The following MNAT1 variants were observed in gnomAD, a reference collection of about 807,000 sequenced individuals.
The protein encoded by MNAT1 is CDK-activating kinase assembly factor MAT1.
Under a neutral mutation model 42.0 loss-of-function variants are expected in MNAT1, and 43 were observed. The observed-to-expected ratio is 1.02, with a 90% CI of 0.80 to 1.32. The LOEUF (loss-of-function observed/expected upper bound fraction) is 1.32. MNAT1 is among the 40% of genes most tolerant of loss of function. The probability of loss-of-function intolerance (pLI) is 0.00; values close to 1 mark genes in which losing one functional copy is unlikely to be tolerated. For missense variants in MNAT1, 306 were observed against 350.4 expected, an observed-to-expected ratio of 0.87 and a Z score of 1.01; for synonymous variants, 118 against 120.0, an observed-to-expected ratio of 0.98 and a Z score of 0.11.
intron 1 of MNAT1, among the ~76,000 whole-genome samples, chr14:60,765,647 A>G (rs1213677244): frequency 6.6e-6 from 1 of 152,350 alleles, no homozygotes; most frequent in East Asian, 1.9e-4. Flanking sequence ...TTAAAAAACA[A>G]TAGAGCTTTC....
chr14:60,818,904 T>C, intron 6 of MNAT1, 57 bp downstream of exon 6: 1 of 1,568,456 alleles, frequency 6.4e-7, no homozygotes, highest in Non-Finnish European at 8.7e-7. Context: ...TTATGCTTTA[T>C]AATTTTACAC....
At chr14:60,852,039 G>A (rs1054592193) in intron 6 of MNAT1, among the ~76,000 whole-genome samples, 2 of 151,990 alleles carry the variant, frequency 1.3e-5, no homozygotes, top group Non-Finnish European at 2.9e-5. Flanking sequence ...TATAGTAGAA[G>A]GATTTATAAT....
chr14:60,947,886 A>G (rs914740550), intron 7 of MNAT1, among the ~76,000 whole-genome samples: 4 of 151,992 alleles, frequency 2.6e-5, no homozygotes, highest in African/African-American at 9.7e-5. Context: ...ACCTCAGCAA[A>G]TCTTCCAGGC....
chr14:60,747,099 C>T (rs911925251), intron 1 of MNAT1, among the ~76,000 whole-genome samples: 8 of 149,594 alleles, frequency 5.3e-5, no homozygotes, highest in African/African-American at 1.7e-4. Flanking sequence ...CATTCTTCTG[C>T]CTCAGCCTCC....
At chr14:60,908,903 C>A (rs1430129671) in intron 7 of MNAT1, among the ~76,000 whole-genome samples, 1 of 152,230 alleles carries the variant, frequency 6.6e-6, no homozygotes, top group East Asian at 1.9e-4. Flanking sequence ...GCCATACCGA[C>A]TTCCACAATG....
intron 6 of MNAT1, among the ~76,000 whole-genome samples, chr14:60,840,587 T>C (rs1455390568): frequency 1.3e-5 from 2 of 152,332 alleles, no homozygotes; most frequent in South Asian, 2.1e-4. Flanking sequence ...CCAGTCCTTA[T>C]ACTCCATCAT....
intron 1 of MNAT1, among the ~76,000 whole-genome samples, chr14:60,735,589 A>G (rs1896283017): frequency 6.6e-6 from 1 of 152,242 alleles, no homozygotes; most frequent in African/African-American, 2.4e-5. Flanking sequence ...CAACAGTCCC[A>G]TGAAGTAGAT....
chr14:60,802,588 A>T (rs945193819), intron 3 of MNAT1, among the ~76,000 whole-genome samples: 3 of 152,216 alleles, frequency 2.0e-5, no homozygotes, highest in African/African-American at 7.2e-5. Context: ...AATTTGGATG[A>T]GAAATAATGA....
rs1168134337 is a variant in MNAT1, at chr14:60,808,343, A to G, written c.335A>G (p.Asn112Ser). Reference sequence around the variant, plus strand: ...AATGCAGTTTTCAACTTGACCAACAATGTGGATTTGGACAACACCAAAAAG... The same window carrying G: ...AATGCAGTTTTCAACTTGACCAACAGTGTGGATTTGGACAACACCAAAAAG... ...VEEIVFNLTNNVDLDNTKKKM... is the reference protein window; with the variant it reads ...VEEIVFNLTNSVDLDNTKKKM... The change falls in exon 4 of 8, where the codon AAT (asparagine) becomes AGT (serine). Residue 112 changes from asparagine to serine, a missense_variant. Coordinates refer to ENST00000261245, the MANE Select transcript of MNAT1 (RefSeq NM_002431.4). 1.3e-6 allele frequency: 2 copies of G among 1,575,708 alleles called. No individual in the cohort carries two copies. The highest frequency in any genetic ancestry group is 1.2e-5 in the South Asian group (1 of 83,316).
intron 1 of MNAT1, among the ~76,000 whole-genome samples, chr14:60,783,768 C>G (rs2031545393): frequency 6.6e-6 from 1 of 152,200 alleles, no homozygotes; most frequent in African/African-American, 2.4e-5. Context: ...TCCCAAAGTG[C>G]TGGGATTACA....
At chr14:60,821,542 G>A (rs2032890386) in intron 6 of MNAT1, among the ~76,000 whole-genome samples, 1 of 152,084 alleles carries the variant, frequency 6.6e-6, no homozygotes, top group Admixed American at 6.5e-5. Context: ...TGACTTTATG[G>A]TGTTTACTCT....
chr14:60,960,175 GTTA>G (rs1328537350), intron 7 of MNAT1, among the ~76,000 whole-genome samples: 2 of 152,056 alleles, frequency 1.3e-5, no homozygotes, highest in East Asian at 3.9e-4. Flanking sequence ...CCTTGTCTCT[GTTA>G]TTATTGTTTT....
intron 1 of MNAT1, among the ~76,000 whole-genome samples, chr14:60,760,584 A>G (rs1276603989): frequency 1.3e-5 from 2 of 152,230 alleles, no homozygotes; most frequent in East Asian, 1.9e-4. Context: ...TAAAGTTTTC[A>G]TTTAACATTA....
At chr14:60,787,707 T>A (rs550682851) in intron 1 of MNAT1, among the ~76,000 whole-genome samples, 1 of 152,330 alleles carries the variant, frequency 6.6e-6, no homozygotes, top group Admixed American at 6.5e-5. Context: ...ATTTCAACAG[T>A]GTTCACAGCA....
intron 6 of MNAT1, among the ~76,000 whole-genome samples, chr14:60,860,721 C>T (rs1255799197): frequency 2.0e-5 from 3 of 151,976 alleles, no homozygotes; most frequent in East Asian, 3.9e-4. Flanking sequence ...CTCTAAAGCC[C>T]CATGCTTTTA....
At chr14:60,882,133 C>G (rs1218006343) in intron 7 of MNAT1, among the ~76,000 whole-genome samples, 2 of 152,260 alleles carry the variant, frequency 1.3e-5, no homozygotes, top group East Asian at 3.9e-4. Context: ...TGCACTCTAG[C>G]CTGGGTGACA....
chr14:60,776,105 G>A (rs1183927317), intron 1 of MNAT1, among the ~76,000 whole-genome samples: 1 of 152,198 alleles, frequency 6.6e-6, no homozygotes, highest in Non-Finnish European at 1.5e-5. Context: ...AGAGGAGCAA[G>A]TGAGTTAAAT....
chr14:60,909,993 A>G (rs1385919905), intron 7 of MNAT1, among the ~76,000 whole-genome samples: 1 of 152,048 alleles, frequency 6.6e-6, no homozygotes, highest in Non-Finnish European at 1.5e-5. Flanking sequence ...ATCCTCTTTT[A>G]TTTCACTGAG....
intron 7 of MNAT1, among the ~76,000 whole-genome samples, chr14:60,906,326 T>C (rs4151341): frequency 0.014 from 2,105 of 152,220 alleles, 55 homozygotes; most frequent in African/African-American, 0.047. Flanking sequence ...TTGAAGGAGA[T>C]GCGAAGTCAT....
Sources: gnomAD v4.1 joint callset for allele counts (sites outside exome capture counted in the v4.1 genomes callset) on GRCh38, gnomAD v4.1.1 for gene constraint, MANE v1.5 for transcripts, NCBI Gene and HGNC (gene_info 2026-07-23, HGNC 2026-07-21) for gene names.